The following RBM25 variants were observed in gnomAD, a reference collection of about 807,000 sequenced individuals.
RBM25 encodes the protein RNA-binding protein 25.
Under a neutral mutation model 120.7 loss-of-function variants are expected in RBM25, and 19 were observed. That is an observed-to-expected ratio of 0.16 (90% CI 0.11 to 0.23). RBM25 has a LOEUF of 0.23. Among genes scored for constraint, RBM25 ranks in the 10% least tolerant of loss-of-function variants. The pLI is 1.00. For missense variants in RBM25, 605 were observed against 1,041.5 expected (o/e 0.58, Z 5.77); for synonymous variants, 390 against 326.7 (o/e 1.19, Z -2.09).
intron 7 of RBM25, among the ~76,000 whole-genome samples, chr14:73,097,863 C>G (rs1895982728): frequency 6.6e-6 from 1 of 152,210 alleles, no homozygotes; most frequent in Admixed American, 6.5e-5. Flanking sequence ...ATTGCTACCT[C>G]TTTGTGGCCC....
Position 73,077,550 on chromosome 14 carries a change from T to C in RBM25, c.324+14T>C. On this transcript the variant is annotated intron_variant, in intron 4 of 18. Transcript: ENST00000261973. ...CAACTCTTAGCTGTAAGTTAAACTG[T>C]TTATTTTTCATTAAAAATTTTTTTA... is the stretch of plus-strand genomic sequence containing the variant. 1 of 1,546,734 alleles carries C rather than the reference T, an allele frequency of 6.5e-7. No homozygotes were observed. The highest frequency in any genetic ancestry group is 1.4e-5 in the African/African-American group (1 of 71,592).
At chr14:73,114,221 A>G in intron 17 of RBM25, 65 bp from the exon 18 acceptor site, 1 of 1,215,112 alleles carries the variant, frequency 8.2e-7, no homozygotes. Flanking sequence ...CATACCTTAA[A>G]ATTTCTTGAC....
chr14:73,103,948 T>TCTCTCTCTCTCA (rs1594928335), intron 10 of RBM25, among the ~76,000 whole-genome samples: 9 of 91,434 alleles, frequency 9.8e-5, no homozygotes, highest in South Asian at 3.5e-4. Context: ...TCTCTCTCTC[T>TCTCTCTCTCTCA]CACACACACA....
At chr14:73,068,320 G>A (rs1895191624) in intron 1 of RBM25, 2 of 757,078 alleles carry the variant, frequency 2.6e-6, no homozygotes, top group South Asian at 2.8e-5. Flanking sequence ...GGATTTCATG[G>A]TTGGAAGGTG....
rs763206419 is a variant in RBM25 at position 73,087,396 on chromosome 14, C to CTTT, written c.383-590_383-588dup. On this transcript the variant is annotated intron_variant, in intron 5 of 18. Transcript: ENST00000261973. The stretch of plus-strand genomic sequence containing the variant: ...AATTTATGAAATAATTGACTCCTTT[C>CTTT]TTTTTTTTTTTTTTTTTGAGACGGA... Among the ~76,000 whole-genome samples, 39 of 136,774 alleles carry CTTT rather than the reference C, an allele frequency of 2.9e-4. No homozygotes were observed. The South Asian group carries it at 4.4e-3, about 15-fold the overall frequency. 89.7% of individuals were successfully genotyped at this position (136,774 alleles called of 152,430 possible).
chr14:73,067,108 C>T (rs944521147), intron 1 of RBM25, among the ~76,000 whole-genome samples: 10 of 136,474 alleles, frequency 7.3e-5, no homozygotes, highest in South Asian at 2.2e-4. Flanking sequence ...CTTGCTCTGT[C>T]GCCCAGGCTG....
At chr14:73,109,957 T>C (rs139820231) in intron 14 of RBM25, among the ~76,000 whole-genome samples, 1 of 152,012 alleles carries the variant, frequency 6.6e-6, no homozygotes, top group African/African-American at 2.4e-5. Context: ...TCATCTTGGC[T>C]CACTGCAGCC....
At chr14:73,068,520 T>G in intron 1 of RBM25, 2 of 853,664 alleles carry the variant, frequency 2.3e-6, no homozygotes, top group Admixed American at 1.8e-5. Context: ...TCAAATTCCT[T>G]TAGTGGTTTT....
At chr14:73,106,916 T>G (rs1182841062) in intron 12 of RBM25, among the ~76,000 whole-genome samples, 2 of 151,598 alleles carry the variant, frequency 1.3e-5, no homozygotes, top group African/African-American at 4.9e-5. Context: ...CACTGCAACC[T>G]TCTCCTCCCA....
At chr14:73,093,954 T>TG (rs953337998) in intron 6 of RBM25, among the ~76,000 whole-genome samples, 2 of 148,248 alleles carry the variant, frequency 1.3e-5, no homozygotes, top group African/African-American at 2.5e-5. Flanking sequence ...TTTTGTTTTT[T>TG]TTTTTTTTTT....
At chr14:73,080,211 ATCTTTTTT>A (rs1895525265) in intron 4 of RBM25, among the ~76,000 whole-genome samples, 1 of 90,228 alleles carries the variant, frequency 1.1e-5, no homozygotes, top group Non-Finnish European at 2.2e-5. Context: ...ATTCTTACAC[ATCTTTTTT>A]TTTTTTTTTT....
At chr14:73,100,954 T>A (rs1171026771) in intron 9 of RBM25, 1 of 152,194 alleles carries the variant, frequency 6.6e-6, no homozygotes, top group Non-Finnish European at 1.5e-5. Context: ...TGGTATATGG[T>A]TGTGTGTGTG....
intron 3 of RBM25, 48 bp downstream of exon 3, chr14:73,076,416 C>G: frequency 1.3e-6 from 2 of 1,497,522 alleles, no homozygotes; most frequent in Non-Finnish European, 1.9e-6. Flanking sequence ...AGTGCTAGTG[C>G]TTTTAAGCTG....
rs371498865 is a variant in RBM25, at chr14:73,086,360, C to T, written c.383-1641C>T. Among the ~76,000 whole-genome samples, 21 of 151,846 alleles carry T rather than the reference C, an allele frequency of 1.4e-4. No individual in the cohort carries two copies. The East Asian group carries it at 3.7e-3, about 27-fold the overall frequency. On this transcript the variant is annotated intron_variant, in intron 5 of 18. Transcript: ENST00000261973. Reference sequence around the variant, plus strand: ...GGCTGAGGCAGGAGAATCGCTTCAACCCGGGAGGCAGAGTTTGCAGTGAGC... The same window carrying T: ...GGCTGAGGCAGGAGAATCGCTTCAATCCGGGAGGCAGAGTTTGCAGTGAGC...
intron 9 of RBM25, chr14:73,100,973 C>T (rs1198269717): frequency 6.6e-6 from 1 of 151,988 alleles, no homozygotes; most frequent in Non-Finnish European, 1.5e-5. Context: ...TGGTTTACCC[C>T]CTTTTTGTTT....
intron 4 of RBM25, among the ~76,000 whole-genome samples, chr14:73,081,967 CACTT>C (rs900531780): frequency 1.6e-4 from 24 of 152,098 alleles, no homozygotes; most frequent in African/African-American, 5.6e-4. Flanking sequence ...TTGTGTTGGT[CACTT>C]ACTTGGTGGG....
At chr14:73,117,199 TTTC>T (rs1229045997) in intron 18 of RBM25, among the ~76,000 whole-genome samples, 6 of 136,886 alleles carry the variant, frequency 4.4e-5, no homozygotes, top group Non-Finnish European at 7.8e-5. Context: ...TTTTAATTTC[TTTC>T]TTCTTTTCTT....
At chr14:73,088,366 C>T (rs766801654) in intron 6 of RBM25, 62 of 716,962 alleles carry the variant, frequency 8.6e-5, no homozygotes, top group Non-Finnish European at 1.4e-4. Context: ...TTTGCTTGTT[C>T]CAGGTTGGGA....
chr14:73,079,155 T>A (rs1401884401), intron 4 of RBM25, among the ~76,000 whole-genome samples: 1 of 149,626 alleles, frequency 6.7e-6, no homozygotes, highest in African/African-American at 2.4e-5. Context: ...AGGTGCGGTG[T>A]CTCACACCTG....
Sources: gnomAD v4.1 joint callset for allele counts (sites outside exome capture counted in the v4.1 genomes callset) on GRCh38, gnomAD v4.1.1 for gene constraint, MANE v1.5 for transcripts, NCBI Gene and HGNC (gene_info 2026-07-23, HGNC 2026-07-21) for gene names.